WDR41: variants seen among roughly 807,000 people sequenced by gnomAD.
WDR41 encodes the protein WD repeat domain 41.
In WDR41, 63 loss-of-function variants were observed where a neutral mutation model predicts 69.3. That is an observed-to-expected ratio of 0.91 (90% confidence interval 0.74 to 1.12). The LOEUF (loss-of-function observed/expected upper bound fraction) is 1.12. Among genes scored for constraint, WDR41 ranks in the 50% most tolerant of loss-of-function variants. WDR41 has a pLI of 0.00. For synonymous variants in WDR41, 185 were observed against 192.1 expected, an observed-to-expected ratio of 0.96 and a Z score of 0.31; for missense variants, 543 against 534.5, an observed-to-expected ratio of 1.02 and a Z score of -0.16.
chr5:77,578,470 G>GCC (rs1378197501), intron 1 of WDR41, among the ~76,000 whole-genome samples: 1 of 152,096 alleles, frequency 6.6e-6, no homozygotes, highest in East Asian at 1.9e-4. Context: ...GGAAAATATG[G>GCC]CCCATACATC....
chr5:77,613,671 A>C (rs62362474), intron 1 of WDR41, among the ~76,000 whole-genome samples: 58,494 of 152,018 alleles, frequency 0.38, 11,478 homozygotes, highest in African/African-American at 0.43. Context: ...TTTATATGTT[A>C]GACCTAAAAC....
chr5:77,454,373 C>T (rs546025172), intron 5 of WDR41, among the ~76,000 whole-genome samples: 33 of 152,252 alleles, frequency 2.2e-4, no homozygotes, highest in Non-Finnish European at 1.8e-4. Flanking sequence ...CCAGAACCAC[C>T]CAGATAAGAT....
chr5:77,569,722 T>A (rs1743699030), intron 1 of WDR41, among the ~76,000 whole-genome samples: 1 of 152,210 alleles, frequency 6.6e-6, no homozygotes, highest in Non-Finnish European at 1.5e-5. Context: ...TATATAATAG[T>A]CATATAAAAT....
At chr5:77,574,791 A>T (rs1436617090) in intron 1 of WDR41, among the ~76,000 whole-genome samples, 2 of 152,190 alleles carry the variant, frequency 1.3e-5, no homozygotes, top group African/African-American at 4.8e-5. Flanking sequence ...ACAATTTCCC[A>T]TACAACCCAA....
At chr5:77,599,944 C>G (rs1419454407) in intron 1 of WDR41, among the ~76,000 whole-genome samples, 1 of 152,196 alleles carries the variant, frequency 6.6e-6, no homozygotes, top group Non-Finnish European at 1.5e-5. Flanking sequence ...AAGAGCAAGA[C>G]AAGTTCATCG....
intron 2 of WDR41, among the ~76,000 whole-genome samples, chr5:77,477,194 A>G (rs1203976099): frequency 1.3e-5 from 2 of 149,122 alleles, no homozygotes; most frequent in Non-Finnish European, 2.9e-5. Context: ...GTGACCTACA[A>G]AGAGACTTAG....
intron 6 of WDR41, chr5:77,452,068 A>T (rs945172046): frequency 1.3e-5 from 2 of 151,582 alleles, no homozygotes; most frequent in Non-Finnish European, 2.9e-5. Context: ...TGTAATTTAT[A>T]ATATATATGC....
intron 1 of WDR41, chr5:77,545,361 G>C: frequency 6.5e-6 from 1 of 154,306 alleles, no homozygotes; most frequent in Non-Finnish European, 1.4e-5. Flanking sequence ...AAATACAAAA[G>C]ACAAGTCAGC....
chr5:77,492,332 C>T (rs1561204558), upstream of WDR41: 2 of 1,419,480 alleles, frequency 1.4e-6, no homozygotes, highest in Admixed American at 1.9e-5. Flanking sequence ...GCTAATACTT[C>T]CCGCCCCAGA....
At chr5:77,433,737 A>G (rs1423416034) in intron 12 of WDR41, among the ~76,000 whole-genome samples, 4 of 151,728 alleles carry the variant, frequency 2.6e-5, no homozygotes, top group African/African-American at 9.7e-5. Context: ...ACCCTCAAGA[A>G]GATTCTGAAA....
intron 2 of WDR41, among the ~76,000 whole-genome samples, chr5:77,469,258 G>A (rs1016965736): frequency 6.6e-6 from 1 of 152,124 alleles, no homozygotes; most frequent in East Asian, 1.9e-4. Context: ...GGGGGTAGGG[G>A]GGAGGGATAG....
intron 2 of WDR41, among the ~76,000 whole-genome samples, chr5:77,476,653 TA>T (rs1188725237): frequency 6.6e-6 from 1 of 151,668 alleles, no homozygotes; most frequent in African/African-American, 2.4e-5. Flanking sequence ...AGGCCTGCTC[TA>T]AAAGAGCTCC....
intron 1 of WDR41, among the ~76,000 whole-genome samples, chr5:77,529,744 A>G (rs1802499468): frequency 6.6e-6 from 1 of 151,598 alleles, no homozygotes; most frequent in Non-Finnish European, 1.5e-5. Context: ...TTTATGAAAA[A>G]TAGCAGCTCA....
chr5:77,503,190 C>G (rs1184220642), intron 1 of WDR41, among the ~76,000 whole-genome samples: 2 of 74,314 alleles, frequency 2.7e-5, no homozygotes, highest in Non-Finnish European at 5.1e-5. Flanking sequence ...AAATGGAAAG[C>G]AAAAAAAAAA....
chr5:77,472,436 G>GAA (rs1800668804), intron 2 of WDR41, among the ~76,000 whole-genome samples: 2 of 150,392 alleles, frequency 1.3e-5, no homozygotes, highest in African/African-American at 2.5e-5. Flanking sequence ...CAATTAGGCA[G>GAA]GGGAAGGAAA....
chr5:77,500,951 C>T (rs114649258), intron 1 of WDR41, among the ~76,000 whole-genome samples: 8,196 of 152,282 alleles, frequency 0.054, 706 homozygotes, highest in African/African-American at 0.18. Flanking sequence ...CAGCTCCCAG[C>T]GTGATTGACA....
chr5:77,617,009 T>C (rs1427796902), intron 1 of WDR41, among the ~76,000 whole-genome samples: 1 of 152,238 alleles, frequency 6.6e-6, no homozygotes, highest in African/African-American at 2.4e-5. Flanking sequence ...TCACTGTCCA[T>C]GTCCATTGCT....
At chr5:77,593,692 A>G (rs1744170941) in intron 1 of WDR41, among the ~76,000 whole-genome samples, 1 of 152,160 alleles carries the variant, frequency 6.6e-6, no homozygotes, top group Non-Finnish European at 1.5e-5. Flanking sequence ...GCTGGAAGAG[A>G]CTTAGAATGC....
intron 2 of WDR41, among the ~76,000 whole-genome samples, chr5:77,474,446 A>G (rs1339898649): frequency 6.6e-6 from 1 of 152,176 alleles, no homozygotes; most frequent in Non-Finnish European, 1.5e-5. Context: ...CAACAAAAAA[A>G]ATCACAATTT....
Sources: gnomAD v4.1 joint callset for allele counts (sites outside exome capture counted in the v4.1 genomes callset) on GRCh38, gnomAD v4.1.1 for gene constraint, MANE v1.5 for transcripts, NCBI Gene and HGNC (gene_info 2026-07-23, HGNC 2026-07-21) for gene names.